PALS2: variants seen among roughly 807,000 people sequenced by gnomAD.
PALS2 encodes protein PALS2.
Under a neutral mutation model 61.6 loss-of-function variants are expected in PALS2, and 27 were observed. That is an observed-to-expected ratio of 0.44 (90% CI 0.32 to 0.60). The LOEUF is 0.60. Ranked by LOEUF, PALS2 falls within the 20% of genes least tolerant of loss-of-function variation. The pLI is 0.05. For synonymous variants in PALS2, 236 were observed against 218.6 expected, an observed-to-expected ratio of 1.08 and a Z score of -0.70; for missense variants, 554 against 639.4, an observed-to-expected ratio of 0.87 and a Z score of 1.44.
intron 11 of PALS2, among the ~76,000 whole-genome samples, chr7:24,685,658 T>TG (rs1424772216): frequency 5.3e-5 from 8 of 151,914 alleles, no homozygotes; most frequent in Non-Finnish European, 8.8e-5. Flanking sequence ...TTTTTTTTTT[T>TG]TTTTTTTTTT....
At chr7:24,622,510 A>G (rs377027243) in intron 1 of PALS2, among the ~76,000 whole-genome samples, 5 of 152,026 alleles carry the variant, frequency 3.3e-5, no homozygotes, top group East Asian at 3.9e-4. Flanking sequence ...GTAACAACAT[A>G]TTGGTTGTTT....
intron 1 of PALS2, among the ~76,000 whole-genome samples, chr7:24,593,042 A>C (rs1267743508): frequency 6.6e-6 from 1 of 152,140 alleles, no homozygotes; most frequent in East Asian, 1.9e-4. Flanking sequence ...GTAGAACTTC[A>C]TTCAAAATTG....
chr7:24,635,106 A>G (rs1005919601), intron 2 of PALS2, among the ~76,000 whole-genome samples: 1 of 152,158 alleles, frequency 6.6e-6, no homozygotes, highest in Non-Finnish European at 1.5e-5. Context: ...TTCTATAAAC[A>G]TGTCACTTAG....
rs890565517 is a variant in PALS2, at chr7:24,646,836, A to G, written c.271-2776A>G. On this transcript the variant is annotated intron_variant, in intron 3 of 11. Coordinates refer to ENST00000222644, the MANE Select transcript of PALS2 (RefSeq NM_001303037.2). ...TACTGATTCAATTTCGGAGGTTGTTATTGGTCTATGCAGGGAATCAATTTA... is the reference window on the plus strand; with the variant it reads ...TACTGATTCAATTTCGGAGGTTGTTGTTGGTCTATGCAGGGAATCAATTTA... 2.6e-5 allele frequency among the ~76,000 whole-genome samples: 4 copies of G among 152,050 alleles called. No individual in the cohort carries two copies. In the East Asian group the frequency reaches 5.8e-4, roughly 22 times the overall value.
At chr7:24,600,838 T>C (rs1012865029) in intron 1 of PALS2, among the ~76,000 whole-genome samples, 1 of 152,120 alleles carries the variant, frequency 6.6e-6, no homozygotes, top group Non-Finnish European at 1.5e-5. Context: ...AGCGAAAAAA[T>C]CTTGCCTGTT....
chr7:24,624,186 T>G (rs1162877857), intron 2 of PALS2: 1 of 1,182,364 alleles, frequency 8.5e-7, no homozygotes, highest in African/African-American at 1.6e-5. Context: ...TATCTAGTGC[T>G]TTTTTGAAAT....
intron 1 of PALS2, among the ~76,000 whole-genome samples, chr7:24,584,017 T>G (rs1487017007): frequency 6.7e-6 from 1 of 150,042 alleles, no homozygotes; most frequent in Non-Finnish European, 1.5e-5. Context: ...CTGCATAGTA[T>G]TCCATGGTGT....
At chr7:24,591,317 T>C (rs1414160477) in intron 1 of PALS2, among the ~76,000 whole-genome samples, 1 of 152,096 alleles carries the variant, frequency 6.6e-6, no homozygotes, top group Non-Finnish European at 1.5e-5. Flanking sequence ...GGGTCAGGAA[T>C]GGAGGATGAC....
In PALS2 at chr7:24,573,735, G is replaced by T; in HGVS notation, c.-3+142G>T. The T allele has an allele frequency of 6.7e-6, 1 of 149,434 alleles. No homozygotes were observed. Among genetic ancestry groups the T allele is most frequent in the South Asian group, 1.9e-4 (1 of 5,302 alleles). 9.3% of individuals were successfully genotyped at this position (149,434 alleles called of 1,614,324 possible). A position where few individuals can be genotyped will look rare whatever the true frequency, so the allele number is the denominator to read the frequency against. On this transcript the variant is annotated intron_variant, in intron 1 of 11. Coordinates refer to ENST00000222644, the MANE Select transcript of PALS2 (RefSeq NM_001303037.2). This position sits in a 1 kb window ranked among gnomAD's most constrained non-coding sequence, Gnocchi z 5.3. Reference sequence around the variant, plus strand: ...CCCCCTCGGCACCTGGGCTTCGGCGGGCGCGGGGAAGAGGGACCGGCAGGC... The same window carrying T: ...CCCCCTCGGCACCTGGGCTTCGGCGTGCGCGGGGAAGAGGGACCGGCAGGC...
intron 3 of PALS2, among the ~76,000 whole-genome samples, chr7:24,648,682 GA>G (rs1785973422): frequency 6.6e-6 from 1 of 151,968 alleles, no homozygotes; most frequent in Non-Finnish European, 1.5e-5. Context: ...GAGGTGGGCG[GA>G]TCATGAGGTC....
rs746154850 is a variant in PALS2 at position 24,679,241 on chromosome 7, G to A, written c.1225G>A (p.Glu409Lys). Residue 409 changes from glutamate (E) to lysine (K), a missense_variant, in exon 10 of 12, where the codon GAA becomes AAA. Glu to Lys is a moderately conservative substitution (Grantham distance 56, BLOSUM62 1). Transcript: ENST00000222644. The stretch of plus-strand genomic sequence containing the variant: ...AGCTGGAAAGTATTTGGAACATGGG[G>A]AATATGAAGGAAATCTCTATGGAAC... The part of the protein sequence containing the change: ...IKAGKYLEHG[E>K]YEGNLYGTKI... 1 of 1,614,004 alleles carries A rather than the reference G, an allele frequency of 6.2e-7. No homozygotes were observed.
chr7:24,680,614 G>C lies in PALS2; in HGVS notation c.1446+94G>C. On this transcript the variant is annotated intron_variant, in intron 11 of 11. Coordinates refer to ENST00000222644, the MANE Select transcript of PALS2 (RefSeq NM_001303037.2). ...AATTTATTTTTATTTATTTATTTTT[G>C]AGGCAGAGTTTTGCTTTGTCACCCA... 2.1e-6 allele frequency: 3 copies of C among 1,415,204 alleles called. No homozygotes were observed. The South Asian group carries it at 4.4e-5, about 21-fold the overall frequency. The allele number at this position is 1,415,204 out of a possible 1,614,324, so 87.7% of individuals were successfully genotyped here. A position where few individuals can be genotyped will look rare whatever the true frequency, so the allele number is the denominator to read the frequency against.
intron 1 of PALS2, among the ~76,000 whole-genome samples, chr7:24,616,731 C>A (rs1784305438): frequency 6.6e-6 from 1 of 152,050 alleles, no homozygotes; most frequent in Non-Finnish European, 1.5e-5. Context: ...TAAAAAATAT[C>A]CCTTGTTTCT....
Position 24,692,114 on chromosome 7 carries a change from C to A in PALS2, c.*4500C>A, listed in dbSNP as rs182916408. 6.6e-6 allele frequency: 1 copy of A among 151,954 alleles called. No homozygotes were observed. Among genetic ancestry groups the A allele is most frequent in the African/African-American group, 2.4e-5 (1 of 41,384 alleles). 9.4% of individuals were successfully genotyped at this position (151,954 alleles called of 1,614,324 possible). ...TTCCCATAATTCATCATGCTAGCTT[C>A]TGTGTTCTTGGAATAGTTTTTGAAA... On this transcript the variant is annotated 3_prime_UTR_variant, in exon 12 of 12. Coordinates refer to ENST00000222644, the MANE Select transcript of PALS2 (RefSeq NM_001303037.2).
Position 24,691,030 on chromosome 7 carries a change from A to G in PALS2, c.*3416A>G, listed in dbSNP as rs1788441918. On this transcript the variant is annotated 3_prime_UTR_variant, in exon 12 of 12. Transcript: ENST00000222644. Reference sequence around the variant, plus strand: ...CTTTGACCATAATATCCCAATGACAATAAAAAATGATCCTTGGTTTAAAAA... The same window carrying G: ...CTTTGACCATAATATCCCAATGACAGTAAAAAATGATCCTTGGTTTAAAAA... The G allele has an allele frequency of 6.6e-6, 1 of 152,154 alleles. No individual in the cohort carries two copies. The highest frequency in any genetic ancestry group is 6.5e-5 in the Admixed American group (1 of 15,270). The allele number at this position is 152,154 out of a possible 1,614,324, so 9.4% of individuals were successfully genotyped here.
At chr7:24,589,253 T>G (rs1783191920) in intron 1 of PALS2, 1 of 152,192 alleles carries the variant, frequency 6.6e-6, no homozygotes, top group African/African-American at 2.4e-5. Flanking sequence ...CCAAGTTGCC[T>G]CATTGATAGA....
intron 1 of PALS2, among the ~76,000 whole-genome samples, chr7:24,584,372 T>G (rs1438715587): frequency 2.3e-3 from 354 of 150,832 alleles, no homozygotes; most frequent in Non-Finnish European, 4.1e-3. Context: ...TGTGAGATGG[T>G]ATCTCATTGT....
intron 5 of PALS2, among the ~76,000 whole-genome samples, chr7:24,661,927 G>T (rs769915342): frequency 6.6e-6 from 1 of 152,010 alleles, no homozygotes; most frequent in Non-Finnish European, 1.5e-5. Flanking sequence ...TCATTTTTCT[G>T]TCTTATCCGC....
rs138396884 is a variant in PALS2 at position 24,639,380 on chromosome 7, G to A, written c.118-2336G>A. ...ATCAGTTTCTTCGTCCATAGTGTGA[G>A]TATAATATACCTACCTTTGCTGAAT... On this transcript the variant is annotated intron_variant, in intron 2 of 11. Transcript: ENST00000222644. Among the ~76,000 whole-genome samples, 127 of 148,716 alleles carry A rather than the reference G, an allele frequency of 8.5e-4. 2 individuals carry two copies. The East Asian group carries it at 0.02, about 23-fold the overall frequency.
Sources: allele counts gnomAD v4.1 joint callset (sites outside exome capture counted in the v4.1 genomes callset), GRCh38; gene constraint gnomAD v4.1.1; non-coding constraint Gnocchi (gnomAD v3.1); transcripts MANE v1.5; gene names NCBI Gene and HGNC (gene_info 2026-07-23, HGNC 2026-07-21).